The following MERTK variants were observed in gnomAD, a reference collection of about 807,000 sequenced individuals.
MERTK encodes the protein tyrosine-protein kinase Mer.
In MERTK, 69 loss-of-function variants were observed where a neutral mutation model predicts 99.3. The ratio of observed to expected loss-of-function variants is 0.70; its 90% CI spans 0.57 to 0.85. MERTK has a LOEUF of 0.85. MERTK is among the 40% of genes least tolerant of loss of function. The probability of loss-of-function intolerance (pLI) is 0.00; values close to 1 mark genes in which losing one functional copy is unlikely to be tolerated. For missense variants in MERTK, 1,125 were observed against 1,249.4 expected (o/e 0.90, Z 1.50); for synonymous variants, 426 against 467.6 (o/e 0.91, Z 1.15).
At chr2:111,905,763 C>G (rs1684126292) in intron 1 of MERTK, among the ~76,000 whole-genome samples, 1 of 152,058 alleles carries the variant, frequency 6.6e-6, no homozygotes, top group Admixed American at 6.6e-5. Context: ...GCCACCGTGC[C>G]CAGCCAGAAA....
intron 18 of MERTK, among the ~76,000 whole-genome samples, chr2:112,025,968 A>G (rs1007711302): frequency 6.6e-6 from 1 of 152,210 alleles, no homozygotes; most frequent in African/African-American, 2.4e-5. Flanking sequence ...TCTCCTCAAT[A>G]CAGCCCATGG....
intron 1 of MERTK, among the ~76,000 whole-genome samples, chr2:111,925,087 C>T (rs545817888): frequency 1.0e-3 from 156 of 151,624 alleles, no homozygotes; most frequent in Admixed American, 3.4e-3. Context: ...CCCTCCCCAC[C>T]CCCAGTTAGC....
At chr2:112,026,782 C>A (rs910921217) in intron 18 of MERTK, among the ~76,000 whole-genome samples, 1 of 152,148 alleles carries the variant, frequency 6.6e-6, no homozygotes, top group Non-Finnish European at 1.5e-5. Flanking sequence ...TATACATCTA[C>A]GTGAATGAGA....
Position 111,947,566 on chromosome 2 carries a change from A to G in MERTK, c.756A>G (p.Pro252=), listed in dbSNP as rs3761702. ...AATCCCCCTCCGTGCTAACTGTTCC[A>G]GGTAAGTCCGAGCTGTGGGCTTATT... ...PEKSPSVLTV[P]GLTEMAVFSC... is the part of the protein sequence containing the mutation. Residue 252 remains proline (P), a splice_region_variant and synonymous_variant, in exon 4 of 19, where the codon CCA becomes CCG. Coordinates refer to ENST00000295408, the MANE Select transcript of MERTK (RefSeq NM_006343.3). The G allele has an allele frequency of 5.8e-3, 9,435 of 1,613,988 alleles. 192 individuals are homozygous for G. Among genetic ancestry groups the G allele is most frequent in the Admixed American group, 0.043 (2,610 of 60,022 alleles).
intron 1 of MERTK, among the ~76,000 whole-genome samples, chr2:111,926,052 C>G (rs1361281805): frequency 1.3e-5 from 2 of 151,450 alleles, no homozygotes; most frequent in East Asian, 4.0e-4. Context: ...AGGATGGTCT[C>G]GATCTCCTGA....
intron 4 of MERTK, among the ~76,000 whole-genome samples, chr2:111,948,034 A>G (rs1231431335): frequency 6.6e-6 from 1 of 152,002 alleles, no homozygotes; most frequent in Admixed American, 6.6e-5. Context: ...CTTGATTTCC[A>G]TCCAAATGAA....
intron 4 of MERTK, among the ~76,000 whole-genome samples, chr2:111,958,320 C>T (rs371120655): frequency 3.3e-5 from 5 of 152,060 alleles, no homozygotes; most frequent in African/African-American, 7.2e-5. Flanking sequence ...AGAGAACTGG[C>T]GAGTGAGAGG....
chr2:112,008,314 C>T, intron 13 of MERTK, 69 bp from the exon 14 acceptor site: 1 of 1,154,022 alleles, frequency 8.7e-7, no homozygotes, highest in African/African-American at 1.5e-5. Context: ...AACAGAACTG[C>T]TGTTGCCCAC....
chr2:111,908,005 C>T (rs1344343153), intron 1 of MERTK, among the ~76,000 whole-genome samples: 1 of 152,206 alleles, frequency 6.6e-6, no homozygotes, highest in East Asian at 1.9e-4. Flanking sequence ...TCTTTCGTTA[C>T]ACTCCACTGA....
At chr2:111,939,654 A>ATTTTTTTTTTTT (rs1184269274) in intron 2 of MERTK, among the ~76,000 whole-genome samples, 4 of 88,246 alleles carry the variant, frequency 4.5e-5, no homozygotes, top group African/African-American at 1.4e-4. Context: ...CTAATTTTTA[A>ATTTTTTTTTTTT]TTTTTTTTTT....
Position 112,003,936 on chromosome 2 carries a change from A to G in MERTK, c.1819A>G (p.Lys607Glu). ...TGGGTCTGTAATGGAAGGAAATCTT[A>G]AGCAGGAAGATGGGACCTCTCTGAA... ...EFGSVMEGNL[K>E]QEDGTSLKVA... Residue 607 changes from lysine (K) to glutamate (E), a missense_variant, in exon 13 of 19, where the codon AAG becomes GAG. Coordinates refer to ENST00000295408, the MANE Select transcript of MERTK (RefSeq NM_006343.3). 6.2e-7 allele frequency: 1 copy of G among 1,613,788 alleles called. No homozygotes were observed. Among genetic ancestry groups the G allele is most frequent in the Non-Finnish European group, 8.5e-7 (1 of 1,179,698 alleles).
intron 1 of MERTK, among the ~76,000 whole-genome samples, chr2:111,900,304 T>C (rs993979995): frequency 3.9e-5 from 6 of 152,218 alleles, no homozygotes; most frequent in Non-Finnish European, 7.3e-5. Context: ...TGGGGCAACA[T>C]AGCAATTTGA....
At chr2:111,915,018 TG>T (rs1684324660) in intron 1 of MERTK, among the ~76,000 whole-genome samples, 1 of 152,208 alleles carries the variant, frequency 6.6e-6, no homozygotes, top group South Asian at 2.1e-4. Flanking sequence ...CATCTGGGCC[TG>T]GAGATTTGTT....
rs1677513845 is a variant in MERTK at position 112,028,423 on chromosome 2, G to T, written c.2559G>T (p.Gln853His). ...DRPTFSVLRL[Q>H]LEKLLESLPD... ...CCACCTTTTCAGTATTGAGGCTGCAGCTAGAAAAACTCTTAGAAAGTTTGC... is the reference window on the plus strand; with the variant it reads ...CCACCTTTTCAGTATTGAGGCTGCATCTAGAAAAACTCTTAGAAAGTTTGC... The change falls in exon 19 of 19, where the codon CAG becomes CAT. Residue 853 changes from glutamine to histidine, a missense_variant. Transcript: ENST00000295408. The T allele has an allele frequency of 1.9e-6, 3 of 1,614,014 alleles. No individual in the cohort carries two copies. In the South Asian group the frequency reaches 3.3e-5, roughly 18 times the overall value.
chr2:111,979,226 G>A (rs1270458046), intron 7 of MERTK, among the ~76,000 whole-genome samples: 1 of 152,100 alleles, frequency 6.6e-6, no homozygotes, highest in Non-Finnish European at 1.5e-5. Context: ...AAGATTGTGG[G>A]AACTTGCATA....
chr2:112,008,353 A>G (rs1383226100), intron 13 of MERTK, 30 bp from the exon 14 acceptor site: 2 of 1,554,682 alleles, frequency 1.3e-6, no homozygotes, highest in Non-Finnish European at 1.8e-6. Context: ...TAAATTATCC[A>G]TACTTAACCT....
At chr2:111,909,741 T>C (rs562163186) in intron 1 of MERTK, among the ~76,000 whole-genome samples, 4 of 152,162 alleles carry the variant, frequency 2.6e-5, no homozygotes, top group Non-Finnish European at 5.9e-5. Context: ...TTTCCAGGCC[T>C]TCTCCCTGTA....
chr2:111,917,143 C>G (rs1684366118), intron 1 of MERTK, among the ~76,000 whole-genome samples: 1 of 152,124 alleles, frequency 6.6e-6, no homozygotes, highest in Non-Finnish European at 1.5e-5. Context: ...AGATACTGCC[C>G]CAGTAGGGAG....
chr2:112,013,221 T>C (rs4500955), intron 15 of MERTK: 86,658 of 153,978 alleles, frequency 0.56, 25,109 homozygotes, highest in Middle Eastern at 0.62. Flanking sequence ...AGGCTGCAGC[T>C]GCATCACACA....
Sources: allele counts gnomAD v4.1 joint callset (sites outside exome capture counted in the v4.1 genomes callset), GRCh38; gene constraint gnomAD v4.1.1; transcripts MANE v1.5; gene names NCBI Gene and HGNC (gene_info 2026-07-23, HGNC 2026-07-21).